The following HEG1 variants were observed in gnomAD, a reference collection of about 807,000 sequenced individuals.
HEG1 encodes the protein protein HEG homolog 1.
HEG1 carries 56 observed loss-of-function variants against 125.6 expected under a neutral mutation model. That is an observed-to-expected ratio of 0.45 (90% CI 0.36 to 0.56). The LOEUF (loss-of-function observed/expected upper bound fraction) is 0.56, where lower values mean the gene tolerates loss of function less well. Among genes scored for constraint, HEG1 ranks in the 20% least tolerant of loss-of-function variants. The pLI is 0.00. For missense variants in HEG1, 1,523 were observed against 1,670.0 expected (o/e 0.91, Z 1.53); for synonymous variants, 644 against 668.5 (o/e 0.96, Z 0.57).
chr3:125,046,192 C>T (rs1488768994), intron 1 of HEG1, among the ~76,000 whole-genome samples: 1 of 152,118 alleles, frequency 6.6e-6, no homozygotes, highest in African/African-American at 2.4e-5. Context: ...GCCAGTAGCA[C>T]TCCATTACCA....
chr3:124,988,772 C>T (rs1936785704), intron 14 of HEG1, among the ~76,000 whole-genome samples: 1 of 152,180 alleles, frequency 6.6e-6, no homozygotes, highest in African/African-American at 2.4e-5. Context: ...CAAAAATTAG[C>T]TAGGTGTGGT....
chr3:125,013,974 G>A lies in HEG1; in HGVS notation c.1605C>T (p.Tyr535=), dbSNP rs775780296. ...RGERSIAGIS[Y]GQVRGTAIEQ... ...CAATAGCTGTGCCACGCACTTGACC[G>A]TAGCTAATCCCAGCGACTGTAAACG... is the stretch of plus-strand genomic sequence containing the variant. The change falls in exon 6 of 17, where the codon TAC becomes TAT. Residue 535 remains tyrosine, a synonymous_variant. Transcript: ENST00000311127. 9 of 1,604,110 alleles carry A rather than the reference G, an allele frequency of 5.6e-6. No homozygotes were observed. The highest frequency in any genetic ancestry group is 1.3e-5 in the African/African-American group (1 of 74,442).
chr3:125,055,729 C>G lies in HEG1; in HGVS notation c.162G>C (p.Leu54=), dbSNP rs1937923430. The G allele has an allele frequency of 1.1e-5, 12 of 1,043,936 alleles. No individual in the cohort carries two copies. In the South Asian group the frequency reaches 5.3e-4, roughly 46 times the overall value. The allele number at this position is 1,043,936 out of a possible 1,614,324, so 64.7% of individuals were successfully genotyped here. ...LAPLAGAGLE[L]QLERRPEREP... ...CGCGCTCCGGGCGGCGCTCCAGCTG[C>G]AGCTCCAGCCCCGCTCCCGCGAGGG... The change falls in exon 1 of 17, where the codon CTG becomes CTC. Residue 54 remains leucine, a synonymous_variant. Transcript: ENST00000311127.
chr3:124,997,985 G>A (rs372367104), intron 11 of HEG1, among the ~76,000 whole-genome samples, 162 bp from the exon 12 acceptor site: 2 of 152,140 alleles, frequency 1.3e-5, no homozygotes, highest in Non-Finnish European at 2.9e-5. Flanking sequence ...CTCCTCTCAG[G>A]AGTCCATCTG....
rs1193393246 is a variant in HEG1 at position 124,970,087 on chromosome 3, T to C, written c.*565A>G. 2 of 152,612 alleles carry C rather than the reference T, an allele frequency of 1.3e-5. No individual in the cohort carries two copies. Among genetic ancestry groups the C allele is most frequent in the Admixed American group, 1.3e-4 (2 of 15,308 alleles). The allele number at this position is 152,612 out of a possible 1,614,324, so 9.5% of individuals were successfully genotyped here. On this transcript the variant is annotated 3_prime_UTR_variant, in exon 17 of 17. Transcript: ENST00000311127. ...ACAACCTAGAAACATATGAAAACAC[T>C]GTCCGTTCAATGGCGACATCTTCAG...
intron 5 of HEG1, chr3:125,014,940 C>A: frequency 7.8e-7 from 1 of 1,289,130 alleles, no homozygotes; most frequent in Non-Finnish European, 1.0e-6. Flanking sequence ...AGAGGGCACC[C>A]CAGAAGTCCT....
intron 1 of HEG1, among the ~76,000 whole-genome samples, chr3:125,036,439 T>G (rs1040853348): frequency 2.0e-4 from 30 of 152,102 alleles, no homozygotes; most frequent in African/African-American, 7.2e-4. Context: ...CAGAAAATGA[T>G]GATAATAGGA....
chr3:125,032,149 C>T (rs1032931562), intron 1 of HEG1, among the ~76,000 whole-genome samples: 1 of 152,168 alleles, frequency 6.6e-6, no homozygotes, highest in Non-Finnish European at 1.5e-5. Context: ...TGGCTGGTGG[C>T]TGCGTCAACC....
At chr3:125,043,619 G>C (rs929834028) in intron 1 of HEG1, among the ~76,000 whole-genome samples, 14 of 152,244 alleles carry the variant, frequency 9.2e-5, no homozygotes, top group Non-Finnish European at 1.5e-4. Context: ...CACAGTGGCT[G>C]AAGAGGAGGC....
chr3:125,031,807 C>T (rs1382295917), intron 1 of HEG1, among the ~76,000 whole-genome samples: 1 of 151,720 alleles, frequency 6.6e-6, no homozygotes, highest in Non-Finnish European at 1.5e-5. Context: ...CCTACACACA[C>T]AGGCATGCAT....
At chr3:124,984,173 G>A (rs138859315) in intron 14 of HEG1, among the ~76,000 whole-genome samples, 154 of 152,264 alleles carry the variant, frequency 1.0e-3, no homozygotes, top group Admixed American at 2.9e-3. Flanking sequence ...CCATCAGACC[G>A]TGGGTTGGGC....
At chr3:125,046,441 A>T (rs59551729) in intron 1 of HEG1, among the ~76,000 whole-genome samples, 15 of 150,066 alleles carry the variant, frequency 1.0e-4, no homozygotes, top group South Asian at 2.1e-4. Flanking sequence ...ACACATATAT[A>T]TTTTTTTAAT....
chr3:124,975,984 C>T (rs573130548), intron 15 of HEG1, among the ~76,000 whole-genome samples: 3 of 152,300 alleles, frequency 2.0e-5, no homozygotes, highest in East Asian at 3.9e-4. Context: ...TGAACATTGA[C>T]GTGAAGTTTT....
At chr3:124,985,519 A>C (rs1464093182) in intron 14 of HEG1, among the ~76,000 whole-genome samples, 1 of 152,190 alleles carries the variant, frequency 6.6e-6, no homozygotes, top group African/African-American at 2.4e-5. Flanking sequence ...CGCCCTAAGA[A>C]AAGGGTGGAG....
rs896603696 is a variant in HEG1 at position 124,969,175 on chromosome 3, C to A, written c.*1477G>T. ...TTCAGGGTGGAGACAATTCTTTTAC[C>A]TCTGTATTCCCCTCACTTCATCCAA... On this transcript the variant is annotated 3_prime_UTR_variant, in exon 17 of 17. Transcript: ENST00000311127. The A allele has an allele frequency of 2.6e-5, 4 of 152,172 alleles. No homozygotes were observed. The highest frequency in any genetic ancestry group is 5.9e-5 in the Non-Finnish European group (4 of 68,050). The allele number at this position is 152,172 out of a possible 1,614,324, so 9.4% of individuals were successfully genotyped here. A position where few individuals can be genotyped will look rare whatever the true frequency, so the allele number is the denominator to read the frequency against.
At chr3:125,016,372 C>T (rs1221128332) in intron 5 of HEG1, among the ~76,000 whole-genome samples, 1 of 152,156 alleles carries the variant, frequency 6.6e-6, no homozygotes, top group Admixed American at 6.5e-5. Context: ...TTCTATCTAG[C>T]TCTTTATAAA....
rs1257224178 is a variant in HEG1 at position 125,013,003 on chromosome 3, G to A, written c.2576C>T (p.Thr859Ile). ...TSQPLMTTPG[T>I]LSSTASLVTG... Reference sequence around the variant, plus strand: ...GACCAGAGATGCTGTGCTTGACAGGGTGCCAGGAGTGGTCATAAGAGGCTG... The same window carrying A: ...GACCAGAGATGCTGTGCTTGACAGGATGCCAGGAGTGGTCATAAGAGGCTG... Residue 859 changes from threonine to isoleucine, a missense_variant, in exon 6 of 17, where the codon ACC (threonine) becomes ATC (isoleucine). Thr to Ile is a moderately conservative substitution (Grantham distance 89). Coordinates refer to ENST00000311127, the MANE Select transcript of HEG1 (RefSeq NM_020733.2). The A allele has an allele frequency of 2.5e-6, 4 of 1,613,958 alleles. No individual in the cohort carries two copies. Among genetic ancestry groups the A allele is most frequent in the Admixed American group, 3.3e-5 (2 of 60,012 alleles).
chr3:125,008,799 AAAAAAC>A (rs1179094156), intron 8 of HEG1, among the ~76,000 whole-genome samples: 1 of 78,732 alleles, frequency 1.3e-5, no homozygotes, highest in African/African-American at 4.8e-5. Flanking sequence ...TCCGTCTCAA[AAAAAAC>A]AAAAAACAAA....
chr3:125,026,103 T>C (rs1229347929), intron 3 of HEG1, among the ~76,000 whole-genome samples: 1 of 152,196 alleles, frequency 6.6e-6, no homozygotes, highest in Non-Finnish European at 1.5e-5. Context: ...CTCTCTGTCC[T>C]GCTCCCTATG....
Sources: allele counts gnomAD v4.1 joint callset (sites outside exome capture counted in the v4.1 genomes callset), GRCh38; gene constraint gnomAD v4.1.1; transcripts MANE v1.5; gene names NCBI Gene and HGNC (gene_info 2026-07-23, HGNC 2026-07-21).